Variants in PFKM observed in about 807,000 individuals in gnomAD.
PFKM encodes the protein phosphofructokinase, muscle, also known as ATP-dependent 6-phosphofructokinase, muscle type.
In PFKM, 58 loss-of-function variants were observed where a neutral mutation model predicts 95.5. The ratio of observed to expected loss-of-function variants is 0.61; its 90% confidence interval spans 0.49 to 0.76. PFKM has a LOEUF of 0.76. Ranked by LOEUF, PFKM falls within the 30% of genes least tolerant of loss-of-function variation. The pLI is 0.00. For missense variants in PFKM, 678 were observed against 1,005.4 expected (o/e 0.67, Z 4.40); for synonymous variants, 336 against 357.2 (o/e 0.94, Z 0.67).
At chr12:48,122,620 G>A in intron 1 of PFKM, 147 bp from the exon 2 acceptor site, 3 of 1,496,640 alleles carry the variant, frequency 2.0e-6, no homozygotes, top group Admixed American at 2.1e-5. Context: ...TCTGGAAGAA[G>A]TCCAAAGCTC....
In PFKM at chr12:48,142,944, C is replaced by A; in HGVS notation, c.1816C>A (p.Gln606Lys). The change falls in exon 18 of 23, where the codon CAG becomes AAG. Residue 606 changes from glutamine (Q) to lysine (K), a missense_variant and splice_region_variant. Transcript: ENST00000359794. ...FEEPFTIRDL[Q>K]ANVEHLVQKM... is the part of the protein sequence containing the mutation. ...GGAGCCCTTCACCATTCGAGACCTG[C>A]AGGTAGCTGGCCACCCAGAGCCTGC... The A allele has an allele frequency of 1.2e-6, 2 of 1,613,394 alleles. No homozygotes were observed. The highest frequency in any genetic ancestry group is 2.2e-5 in the South Asian group (2 of 91,032).
In PFKM at chr12:48,131,929, G is replaced by A. The variant is rs1949541133; in HGVS notation, c.237+536G>A. On this transcript the variant is annotated intron_variant, in intron 4 of 22. Coordinates refer to ENST00000359794, the MANE Select transcript of PFKM (RefSeq NM_000289.6). ...TTTAGGCTTCTCATGTGTATCCACTGTGGGCTAGCCCACAGTGAGTGAGAG... is the reference window on the plus strand; with the variant it reads ...TTTAGGCTTCTCATGTGTATCCACTATGGGCTAGCCCACAGTGAGTGAGAG... The A allele has an allele frequency of 1.1e-5, 5 of 441,270 alleles. No individual in the cohort carries two copies. The East Asian group carries it at 3.5e-4, about 31-fold the overall frequency. The allele number at this position is 441,270 out of a possible 1,614,324, so 27.3% of individuals were successfully genotyped here. A position where few individuals can be genotyped will look rare whatever the true frequency, so the allele number is the denominator to read the frequency against.
At chr12:48,131,252 T>C (rs1949448034) in intron 3 of PFKM, 64 bp from the exon 4 acceptor site, 2 of 1,122,896 alleles carry the variant, frequency 1.8e-6, no homozygotes, top group Non-Finnish European at 2.7e-6. Flanking sequence ...CCAGGGATCC[T>C]GTCTTAATCT....
At position 48,141,784 on chromosome 12, in the gene PFKM, C is replaced by CT; in HGVS notation, c.1458dup (p.Lys487Ter). 11 of 1,613,984 alleles carry CT rather than the reference C, an allele frequency of 6.8e-6. No individual in the cohort carries two copies. The highest frequency in any genetic ancestry group is 9.3e-6 in the Non-Finnish European group (11 of 1,179,882). ...TTTGAACAGATCAGTGCCAATATAA[C>CT]TAAGTTTAACATTCAGGGCCTTGTC... On this transcript the variant is annotated frameshift_variant, in exon 16 of 23. Transcript: ENST00000359794. LOFTEE classifies it high-confidence loss of function.
intron 13 of PFKM, 83 bp downstream of exon 13, chr12:48,139,995 A>G: frequency 1.1e-6 from 1 of 912,960 alleles, no homozygotes; most frequent in Non-Finnish European, 1.8e-6. Flanking sequence ...CAGTCCATAC[A>G]ACATAAGCCT....
upstream of PFKM, chr12:48,118,457 C>T (rs1243243585): frequency 5.0e-6 from 6 of 1,195,942 alleles, no homozygotes; most frequent in Non-Finnish European, 7.2e-6. Context: ...CTCCTAGTCA[C>T]TTGCATTTGT....
At chr12:48,119,316 G>A, upstream of PFKM, 1 of 983,594 alleles carries the variant, frequency 1.0e-6, no homozygotes, top group Non-Finnish European at 1.2e-6. Context: ...GCCTCCACCT[G>A]GCTCCTCCCC....
At chr12:48,127,158 C>G (rs778802260) in intron 2 of PFKM, among the ~76,000 whole-genome samples, 4 of 152,136 alleles carry the variant, frequency 2.6e-5, no homozygotes, top group African/African-American at 4.8e-5. Context: ...TTGAAACTGT[C>G]CACTTTTGGC....
Position 48,130,429 on chromosome 12 carries a change from T to A in PFKM, c.152T>A (p.Val51Asp). 1 of 1,611,592 alleles carries A rather than the reference T, an allele frequency of 6.2e-7. No homozygotes were observed. Among genetic ancestry groups the A allele is most frequent in the Admixed American group, 1.7e-5 (1 of 60,028 alleles). Residue 51 changes from valine (V) to aspartate (D), a missense_variant, in exon 3 of 23, where the codon GTC becomes GAC. Val to Asp is a radical substitution (Grantham distance 152). Coordinates refer to ENST00000359794, the MANE Select transcript of PFKM (RefSeq NM_000289.6). ...GIFTGARVFF[V>D]HEGYQGLVDG... ...TTCACCGGTGCCCGTGTCTTCTTTG[T>A]CCATGAGGTTGGTTCTGTACTTTGT...
chr12:48,133,197 C>CT, intron 5 of PFKM, 118 bp from the exon 6 acceptor site: 1 of 1,282,380 alleles, frequency 7.8e-7, no homozygotes, highest in South Asian at 1.2e-5. Flanking sequence ...CTTTGCCCTC[C>CT]TTTTTCTGGT....
intron 4 of PFKM, among the ~76,000 whole-genome samples, chr12:48,132,629 T>C (rs942305468): frequency 6.6e-6 from 1 of 152,194 alleles, no homozygotes; most frequent in African/African-American, 2.4e-5. Context: ...GACAAAGCCT[T>C]CAATGAAAGG....
At chr12:48,144,849 C>G (rs1320592577) in intron 20 of PFKM, among the ~76,000 whole-genome samples, 182 bp from the exon 21 acceptor site, 1 of 152,210 alleles carries the variant, frequency 6.6e-6, no homozygotes, top group African/African-American at 2.4e-5. Flanking sequence ...GCCAAATTTG[C>G]TGGGCCAGCT....
chr12:48,143,605 C>A, intron 18 of PFKM, 148 bp from the exon 19 acceptor site: 3 of 702,626 alleles, frequency 4.3e-6, no homozygotes, highest in Admixed American at 2.2e-5. Context: ...GAGCTTCTTA[C>A]AGGAATTAGG....
At chr12:48,138,883 C>CA (rs1262592297) in intron 11 of PFKM, among the ~76,000 whole-genome samples, 3 of 151,652 alleles carry the variant, frequency 2.0e-5, no homozygotes, top group Non-Finnish European at 4.4e-5. Context: ...TGAAAAATAC[C>CA]AAAAAAATTA....
chr12:48,116,435 A>G (rs1947690265), upstream of PFKM, among the ~76,000 whole-genome samples: 2 of 151,966 alleles, frequency 1.3e-5, no homozygotes, highest in African/African-American at 4.8e-5. Flanking sequence ...TTTAGCCATT[A>G]TATATCATTT....
chr12:48,107,731 GTGT>G (rs1946820832), intron 2 of PFKM, among the ~76,000 whole-genome samples: 1 of 152,126 alleles, frequency 6.6e-6, no homozygotes, highest in Non-Finnish European at 1.5e-5. Context: ...TGTCATTATT[GTGT>G]TGTTATGTGA....
chr12:48,130,515 G>A, intron 3 of PFKM, 79 bp downstream of exon 3: 1 of 1,060,488 alleles, frequency 9.4e-7, no homozygotes, highest in Non-Finnish European at 1.5e-6. Context: ...CCCACATTCT[G>A]TGTCCTTACC....
At position 48,140,683 on chromosome 12, in the gene PFKM, G is replaced by T. The variant is rs763113555; in HGVS notation, c.1192-39G>T. On this transcript the variant is annotated intron_variant, in intron 13 of 22. Transcript: ENST00000359794. ...TAACCTCCTCCCTGTTCCCCTGCTG[G>T]GTTTCTGTCCTCATTTTTCCCTGCT... 23 of 1,612,008 alleles carry T rather than the reference G, an allele frequency of 1.4e-5. 1 individual carries two copies. In the East Asian group the frequency reaches 4.0e-4, roughly 28 times the overall value.
exon 2 of PFKM, chr12:48,107,426 G>C: frequency 6.3e-7 from 1 of 1,598,474 alleles, no homozygotes; most frequent in Non-Finnish European, 8.5e-7. Context: ...ATTCAGTCTC[G>C]CCAGTTAGTC....
Sources: allele counts gnomAD v4.1 joint callset (sites outside exome capture counted in the v4.1 genomes callset), GRCh38; gene constraint gnomAD v4.1.1; transcripts MANE v1.5; gene names NCBI Gene and HGNC (gene_info 2026-07-23, HGNC 2026-07-21).